TG: variants seen among roughly 807,000 people sequenced by gnomAD.
The protein encoded by TG is thyroid hormones.
In TG, 270 loss-of-function variants were observed where a neutral mutation model predicts 324.7. The observed-to-expected ratio is 0.83, with a 90% CI of 0.75 to 0.92. The LOEUF is 0.92. Ranked by LOEUF, TG falls within the 40% of genes least tolerant of loss-of-function variation. TG has a pLI of 0.00. For missense variants in TG, 3,591 were observed against 3,456.4 expected (o/e 1.04, Z -0.98); for synonymous variants, 1,401 against 1,327.0 (o/e 1.06, Z -1.21).
At chr8:132,908,538 C>T (rs1819024922) in intron 18 of TG, among the ~76,000 whole-genome samples, 198 bp downstream of exon 18, 1 of 124,400 alleles carries the variant, frequency 8.0e-6, no homozygotes, top group Non-Finnish European at 1.9e-5. Context: ...AGGGTCTTCC[C>T]AGGGGTCTGG....
chr8:133,029,958 G>A lies in TG; in HGVS notation c.7174G>A (p.Ala2392Thr), dbSNP rs1166448338. The change falls in exon 41 of 48, where the codon GCC (alanine) becomes ACC (threonine). Residue 2392 changes from alanine to threonine, a missense_variant. Transcript: ENST00000220616. ...AGCAGACCGTGGCGGGGCTGATGTGGCCAGCATCCACCTTCTCACGGCCAG... is the reference window on the plus strand; with the variant it reads ...AGCAGACCGTGGCGGGGCTGATGTGACCAGCATCCACCTTCTCACGGCCAG... The part of the protein sequence containing the change: ...LAADRGGADV[A>T]SIHLLTARAT... 6.2e-7 allele frequency: 1 copy of A among 1,614,232 alleles called. No individual in the cohort carries two copies. The highest frequency in any genetic ancestry group is 8.5e-7 in the Non-Finnish European group (1 of 1,180,048).
chr8:132,946,796 G>C (rs1403480), intron 26 of TG, among the ~76,000 whole-genome samples: 78,702 of 151,974 alleles, frequency 0.52, 21,816 homozygotes, highest in Non-Finnish European at 0.61. Flanking sequence ...AAGCTAAGCT[G>C]GCAATGTATG....
chr8:133,051,470 G>A (rs950702304), intron 41 of TG, among the ~76,000 whole-genome samples: 3 of 152,168 alleles, frequency 2.0e-5, no homozygotes, highest in Admixed American at 6.5e-5. Flanking sequence ...GGACCATGAG[G>A]CAGTAACTCT....
At chr8:132,993,748 G>A (rs1832611098) in intron 35 of TG, among the ~76,000 whole-genome samples, 1 of 152,188 alleles carries the variant, frequency 6.6e-6, no homozygotes, top group Admixed American at 6.5e-5. Context: ...ATTTTCTACA[G>A]TAACTTTCTC....
intron 41 of TG, among the ~76,000 whole-genome samples, chr8:133,052,003 A>G (rs530943100): frequency 1.3e-5 from 2 of 152,314 alleles, no homozygotes; most frequent in Admixed American, 1.3e-4. Context: ...TACAGGATAC[A>G]TAAATAGTCA....
chr8:132,926,767 C>T (rs1213275015), intron 22 of TG, among the ~76,000 whole-genome samples: 1 of 152,120 alleles, frequency 6.6e-6, no homozygotes, highest in African/African-American at 2.4e-5. Context: ...ATTTAGTCCT[C>T]ACAACCAGAA....
At chr8:132,914,898 G>A (rs1820065553) in intron 20 of TG, among the ~76,000 whole-genome samples, 1 of 152,196 alleles carries the variant, frequency 6.6e-6, no homozygotes, top group African/African-American at 2.4e-5. Flanking sequence ...TTACTGTGAA[G>A]AGCCCTTGGC....
intron 43 of TG, among the ~76,000 whole-genome samples, chr8:133,108,732 A>G (rs1190724365): frequency 6.6e-6 from 1 of 152,202 alleles, no homozygotes; most frequent in Non-Finnish European, 1.5e-5. Context: ...CGTTCATTCA[A>G]TGCATATTTA....
At chr8:132,933,538 T>A in intron 23 of TG, 23 bp from the exon 24 acceptor site, 1 of 1,610,384 alleles carries the variant, frequency 6.2e-7, no homozygotes, top group Non-Finnish European at 8.5e-7. Flanking sequence ...GCCAGGTGAG[T>A]GACCGTCCCA....
At chr8:133,104,568 A>G (rs1588111289) in intron 43 of TG, among the ~76,000 whole-genome samples, 1 of 152,238 alleles carries the variant, frequency 6.6e-6, no homozygotes, top group South Asian at 2.1e-4. Context: ...CTGTAGATAC[A>G]GCTTTGGAAG....
intron 43 of TG, among the ~76,000 whole-genome samples, chr8:133,101,923 T>C (rs1261758966): frequency 1.3e-5 from 2 of 152,228 alleles, no homozygotes; most frequent in South Asian, 2.1e-4. Context: ...GAGAGTGTCC[T>C]GGGTGTCCTT....
chr8:132,906,984 C>T, intron 17 of TG, 84 bp downstream of exon 17: 2 of 1,404,960 alleles, frequency 1.4e-6, no homozygotes, highest in Non-Finnish European at 2.0e-6. Context: ...CGTGGCTGCT[C>T]CATTTCCCCA....
intron 26 of TG, among the ~76,000 whole-genome samples, chr8:132,946,041 CACACA>C (rs1825226122): frequency 2.0e-4 from 1 of 5,096 alleles, no homozygotes; most frequent in African/African-American, 1.4e-3. Context: ...ATATGTTACA[CACACA>C]CACACACACA....
chr8:133,030,064 C>A, intron 41 of TG, 41 bp downstream of exon 41: 4 of 1,611,260 alleles, frequency 2.5e-6, no homozygotes, highest in Non-Finnish European at 3.4e-6. Flanking sequence ...ACTGCAGATG[C>A]GGCTGGGGGA....
At chr8:133,110,157 T>G (rs1242549769) in intron 43 of TG, among the ~76,000 whole-genome samples, 4 of 152,178 alleles carry the variant, frequency 2.6e-5, no homozygotes, top group Non-Finnish European at 5.9e-5. Context: ...ACCGTTGTCC[T>G]TGTACCCTCC....
At chr8:133,044,065 G>T (rs929578221) in intron 41 of TG, among the ~76,000 whole-genome samples, 3 of 152,170 alleles carry the variant, frequency 2.0e-5, no homozygotes, top group African/African-American at 7.2e-5. Flanking sequence ...ACTAGTGTCT[G>T]CCTGGCATAG....
intron 34 of TG, among the ~76,000 whole-genome samples, chr8:132,981,682 AC>A (rs763366972): frequency 2.0e-5 from 3 of 152,154 alleles, no homozygotes; most frequent in Non-Finnish European, 4.4e-5. Flanking sequence ...TGAAATGTAG[AC>A]CTCAGATCCC....
intron 27 of TG, among the ~76,000 whole-genome samples, chr8:132,953,722 AATATGAGATT>A (rs1826436402): frequency 1.3e-5 from 2 of 152,128 alleles, no homozygotes; most frequent in Non-Finnish European, 2.9e-5. Context: ...GATGGCTGAG[AATATGAGATT>A]TTGCTTCACT....
rs964218746 is a variant in TG, at chr8:132,972,345, A to G, written c.6056-253A>G. The G allele has an allele frequency of 7.8e-5, 44 of 560,774 alleles. No homozygotes were observed. In the East Asian group the frequency reaches 1.3e-3, roughly 17 times the overall value. The allele number at this position is 560,774 out of a possible 1,614,324, so 34.7% of individuals were successfully genotyped here. ...GAGGACCAAGTGAAGTGATACCAAC[A>G]GAGACCTAGCACAGCCCTAAGCACA... On this transcript the variant is annotated intron_variant, in intron 33 of 47. Coordinates refer to ENST00000220616, the MANE Select transcript of TG (RefSeq NM_003235.5).
Sources: allele counts gnomAD v4.1 joint callset (sites outside exome capture counted in the v4.1 genomes callset), GRCh38; gene constraint gnomAD v4.1.1; transcripts MANE v1.5; gene names NCBI Gene and HGNC (gene_info 2026-07-23, HGNC 2026-07-21).